Variants in RGS6 observed in about 807,000 individuals in gnomAD.
RGS6 encodes regulator of G protein signaling 6.
In RGS6, 30 loss-of-function variants were observed where a neutral mutation model predicts 78.5. That is an observed-to-expected ratio of 0.38 (90% confidence interval 0.29 to 0.52). RGS6 has a LOEUF of 0.52. RGS6 is among the 20% of genes least tolerant of loss of function. RGS6 has a pLI of 0.85. For synonymous variants in RGS6, 206 were observed against 206.0 expected, an observed-to-expected ratio of 1.00 and a Z score of 0.00; for missense variants, 495 against 609.7, an observed-to-expected ratio of 0.81 and a Z score of 1.98.
At chr14:72,055,862 G>A (rs1030614529) in intron 2 of RGS6, among the ~76,000 whole-genome samples, 1 of 152,182 alleles carries the variant, frequency 6.6e-6, no homozygotes, top group Non-Finnish European at 1.5e-5. Context: ...GCCTTTGAGA[G>A]TTTTTTGGTT....
chr14:72,627,070 A>G, the RGS6 span, among the ~76,000 whole-genome samples: 1 of 151,928 alleles, frequency 6.6e-6, no homozygotes, highest in Non-Finnish European at 1.5e-5. Flanking sequence ...TAGCCCTTAA[A>G]CTGTGGTACA....
Position 72,470,049 on chromosome 14 carries a change from G to A in RGS6, c.502G>A (p.Glu168Lys). 1 of 1,613,616 alleles carries A rather than the reference G, an allele frequency of 6.2e-7. No individual in the cohort carries two copies. Residue 168 changes from glutamate to lysine, a missense_variant, in exon 8 of 18, where the codon GAA becomes AAA. Transcript: ENST00000553525. ...RLQRAFARKWEFIFMQAEAQV... is the reference protein window; with the variant it reads ...RLQRAFARKWKFIFMQAEAQV... ...CCAGAGGGCCTTTGCGAGGAAGTGGGAATTCATCTTTATGCAAGCAGAAGC... is the reference window on the plus strand; with the variant it reads ...CCAGAGGGCCTTTGCGAGGAAGTGGAAATTCATCTTTATGCAAGCAGAAGC...
At chr14:72,156,060 A>G (rs1175895870) in intron 2 of RGS6, among the ~76,000 whole-genome samples, 2 of 152,164 alleles carry the variant, frequency 1.3e-5, no homozygotes. Context: ...GGGCATCTGG[A>G]ATTTTACAGT....
chr14:71,982,251 G>A (rs931939328), intron 2 of RGS6, among the ~76,000 whole-genome samples: 6 of 152,140 alleles, frequency 3.9e-5, no homozygotes, highest in Middle Eastern at 3.2e-3. Context: ...CGTCTTCTGC[G>A]TCGCTCAGGC....
At chr14:72,443,650 G>T (rs2095277145) in intron 3 of RGS6, among the ~76,000 whole-genome samples, 1 of 152,192 alleles carries the variant, frequency 6.6e-6, no homozygotes, top group Non-Finnish European at 1.5e-5. Context: ...TTGCACAAAT[G>T]AAGTGACCGT....
chr14:72,108,480 T>C (rs2095681801), intron 2 of RGS6, among the ~76,000 whole-genome samples: 1 of 151,938 alleles, frequency 6.6e-6, no homozygotes, highest in Non-Finnish European at 1.5e-5. Context: ...ATTTATAGTT[T>C]TTAAAATTTG....
chr14:72,496,434 A>G (rs1235529393), intron 13 of RGS6, among the ~76,000 whole-genome samples: 1 of 152,402 alleles, frequency 6.6e-6, no homozygotes, highest in East Asian at 1.9e-4. Context: ...TTTTCGGAGC[A>G]GTCACTATGA....
chr14:71,916,949 G>T, the RGS6 span, among the ~76,000 whole-genome samples: 3 of 152,158 alleles, frequency 2.0e-5, no homozygotes, highest in Admixed American at 6.5e-5. Flanking sequence ...GTGTACACAG[G>T]GTTAAATTAA....
At chr14:72,172,372 A>T (rs1235507267) in intron 2 of RGS6, among the ~76,000 whole-genome samples, 1 of 151,566 alleles carries the variant, frequency 6.6e-6, no homozygotes, top group Non-Finnish European at 1.5e-5. Flanking sequence ...TTAGTAAGTG[A>T]TATTAGTTAC....
At chr14:72,350,109 T>A (rs1216787261) in intron 2 of RGS6, among the ~76,000 whole-genome samples, 1 of 152,206 alleles carries the variant, frequency 6.6e-6, no homozygotes, top group Non-Finnish European at 1.5e-5. Context: ...AACTCCCTCT[T>A]CAGTTTTCAT....
chr14:72,123,119 A>G (rs1030084528), intron 2 of RGS6, among the ~76,000 whole-genome samples: 1 of 152,142 alleles, frequency 6.6e-6, no homozygotes, highest in Non-Finnish European at 1.5e-5. Context: ...GGTATGCACC[A>G]CCACACCTGG....
At chr14:72,141,158 C>T (rs530744798) in intron 2 of RGS6, among the ~76,000 whole-genome samples, 6 of 152,220 alleles carry the variant, frequency 3.9e-5, no homozygotes, top group Non-Finnish European at 8.8e-5. Flanking sequence ...TGATCAAAGC[C>T]CTCACCTGGA....
intron 2 of RGS6, among the ~76,000 whole-genome samples, chr14:72,139,978 A>C: frequency 6.6e-6 from 1 of 152,240 alleles, no homozygotes; most frequent in East Asian, 1.9e-4. Context: ...TGTTAAAGAA[A>C]CCGTTTAGTG....
intron 2 of RGS6, among the ~76,000 whole-genome samples, chr14:72,320,140 G>T (rs1380314855): frequency 6.6e-6 from 1 of 152,210 alleles, no homozygotes; most frequent in Non-Finnish European, 1.5e-5. Flanking sequence ...ATTGCAGAGA[G>T]TAATGCCCAT....
At chr14:72,357,765 A>C (rs532635132) in intron 3 of RGS6, among the ~76,000 whole-genome samples, 52 of 152,242 alleles carry the variant, frequency 3.4e-4, no homozygotes, top group South Asian at 1.9e-3. Flanking sequence ...GAAAAGAAAA[A>C]CACATTTTCT....
At chr14:72,617,820 C>A in the RGS6 span, among the ~76,000 whole-genome samples, 3 of 152,192 alleles carry the variant, frequency 2.0e-5, no homozygotes, top group Non-Finnish European at 4.4e-5. Flanking sequence ...ATAACCTGGG[C>A]CTTTGTTGTG....
chr14:72,040,844 G>A (rs2092334789), intron 2 of RGS6, among the ~76,000 whole-genome samples: 1 of 152,068 alleles, frequency 6.6e-6, no homozygotes, highest in Non-Finnish European at 1.5e-5. Context: ...TTGATCAAGT[G>A]TGCTGTTAAA....
At chr14:72,367,170 T>C (rs2082600843) in intron 3 of RGS6, among the ~76,000 whole-genome samples, 1 of 152,186 alleles carries the variant, frequency 6.6e-6, no homozygotes, top group Non-Finnish European at 1.5e-5. Flanking sequence ...TTATAGACTC[T>C]TGGATTGCAG....
intron 17 of RGS6, chr14:72,541,023 T>C (rs764454288): frequency 9.1e-5 from 119 of 1,303,056 alleles, no homozygotes; most frequent in Middle Eastern, 4.3e-4. Context: ...ATTTGAACAT[T>C]GAGCTCAGTG....
Sources: gnomAD v4.1 joint callset for allele counts (sites outside exome capture counted in the v4.1 genomes callset) on GRCh38, gnomAD v4.1.1 for gene constraint, MANE v1.5 for transcripts, NCBI Gene and HGNC (gene_info 2026-07-23, HGNC 2026-07-21) for gene names.